NRP2: variants seen among roughly 807,000 people sequenced by gnomAD.
The protein encoded by NRP2 is neuropilin 2.
In NRP2, 52 loss-of-function variants were observed where a neutral mutation model predicts 110.4. The observed-to-expected ratio is 0.47, with a 90% CI of 0.38 to 0.59. The LOEUF (loss-of-function observed/expected upper bound fraction) is 0.59, where lower values mean the gene tolerates loss of function less well. Ranked by LOEUF, NRP2 falls within the 20% of genes least tolerant of loss-of-function variation. The probability of loss-of-function intolerance (pLI) is 0.00; values close to 1 mark genes in which losing one functional copy is unlikely to be tolerated. For missense variants in NRP2, 1,049 were observed against 1,203.0 expected, an observed-to-expected ratio of 0.87 and a Z score of 1.89; for synonymous variants, 508 against 468.9, an observed-to-expected ratio of 1.08 and a Z score of -1.08.
At chr2:205,684,593 T>C (rs1028962209) in intron 1 of NRP2, among the ~76,000 whole-genome samples, 9 of 152,124 alleles carry the variant, frequency 5.9e-5, no homozygotes, top group African/African-American at 9.7e-5. Flanking sequence ...CACTTTAAGC[T>C]TGGGCATTTA....
At chr2:205,739,147 C>G (rs1344062012) in intron 7 of NRP2, among the ~76,000 whole-genome samples, 2 of 152,190 alleles carry the variant, frequency 1.3e-5, no homozygotes, top group Non-Finnish European at 2.9e-5. Flanking sequence ...GACAGTGACT[C>G]TACCTCCATT....
chr2:205,784,001 G>GACACACACACACACACACACACAC lies in NRP2; in HGVS notation c.2426-8213_2426-8212insCACACACACACACACACACACACA, dbSNP rs56303275. On this transcript the variant is annotated intron_variant, in intron 15 of 16. Coordinates refer to ENST00000357785, the MANE Select transcript of NRP2 (RefSeq NM_003872.3). ...GATGAACTAGAGTGCATCTCTCTCT[G>GACACACACACACACACACACACAC]ACACACACACACACACACACAGTGC... 1.0e-2 allele frequency among the ~76,000 whole-genome samples: 1,484 copies of GACACACACACACACACACACACAC among 148,714 alleles called. 14 individuals carry two copies. The highest frequency in any genetic ancestry group is 0.024 in the African/African-American group (962 of 40,602).
chr2:205,751,917 T>C (rs1246932528), intron 11 of NRP2, among the ~76,000 whole-genome samples: 1 of 152,212 alleles, frequency 6.6e-6, no homozygotes, highest in Non-Finnish European at 1.5e-5. Context: ...CCATTTCCTC[T>C]TTCCCCACGT....
At chr2:205,784,353 CTT>C (rs1347813938) in intron 15 of NRP2, among the ~76,000 whole-genome samples, 1 of 152,232 alleles carries the variant, frequency 6.6e-6, no homozygotes, top group African/African-American at 2.4e-5. Flanking sequence ...CTTTTTGTCT[CTT>C]TGTGTTTTCT....
chr2:205,735,165 A>G (rs1304216824), intron 7 of NRP2, among the ~76,000 whole-genome samples: 2 of 152,208 alleles, frequency 1.3e-5, no homozygotes, highest in Non-Finnish European at 2.9e-5. Context: ...TAGCATCTAC[A>G]CTGTCCTGGG....
intron 2 of NRP2, among the ~76,000 whole-genome samples, chr2:205,699,682 A>G (rs1234963821): frequency 6.6e-6 from 1 of 152,192 alleles, no homozygotes; most frequent in Non-Finnish European, 1.5e-5. Flanking sequence ...GACAAGGGGA[A>G]GAAGAAGGCA....
intron 14 of NRP2, among the ~76,000 whole-genome samples, chr2:205,766,321 T>C (rs906801622): frequency 2.0e-5 from 3 of 152,166 alleles, no homozygotes; most frequent in Non-Finnish European, 2.9e-5. Context: ...GCATGAGGGT[T>C]GCTTTCAGTC....
intron 1 of NRP2, among the ~76,000 whole-genome samples, chr2:205,693,809 A>T (rs1485786807): frequency 6.6e-6 from 1 of 152,178 alleles, no homozygotes; most frequent in Non-Finnish European, 1.5e-5. Flanking sequence ...TTTTTCCTTC[A>T]GTTCAACTAA....
chr2:205,699,953 T>C (rs1419456235), intron 2 of NRP2, among the ~76,000 whole-genome samples: 1 of 143,196 alleles, frequency 7.0e-6, no homozygotes, highest in Non-Finnish European at 1.5e-5. Context: ...CCTCCCCCCA[T>C]TTCTCCCCCA....
chr2:205,703,000 G>C (rs1304553894), intron 2 of NRP2, among the ~76,000 whole-genome samples: 2 of 152,178 alleles, frequency 1.3e-5, no homozygotes, highest in African/African-American at 2.4e-5. Flanking sequence ...TGGTCATCTT[G>C]AGTTCTCAGC....
chr2:205,795,160 C>A lies in NRP2; in HGVS notation c.*102C>A. ...GGAAACTGAATGCCATAATCTCGAT[C>A]AAACCGATCCAGAATACCGAAGGTA... is the stretch of plus-strand genomic sequence containing the variant. On this transcript the variant is annotated 3_prime_UTR_variant, in exon 17 of 17. Coordinates refer to ENST00000357785, the MANE Select transcript of NRP2 (RefSeq NM_003872.3). The A allele has an allele frequency of 8.7e-7, 1 of 1,151,190 alleles. No homozygotes were observed. Among genetic ancestry groups the A allele is most frequent in the Non-Finnish European group, 1.3e-6 (1 of 790,532 alleles). 71.3% of individuals were successfully genotyped at this position (1,151,190 alleles called of 1,614,324 possible). A position where few individuals can be genotyped will look rare whatever the true frequency, so the allele number is the denominator to read the frequency against.
rs140796876 is a variant in NRP2, at chr2:205,749,737, C to A, written c.1799C>A (p.Thr600Lys). The change falls in exon 11 of 17, where the codon ACG (threonine) becomes AAG (lysine). Residue 600 changes from threonine (T) to lysine (K), a missense_variant. Coordinates refer to ENST00000357785, the MANE Select transcript of NRP2 (RefSeq NM_003872.3). ...TGCCCTTACACAGACTCCAAGCCCACGGTAGAGACGCTGGGACCCACTGTG... is the reference window on the plus strand; with the variant it reads ...TGCCCTTACACAGACTCCAAGCCCAAGGTAGAGACGCTGGGACCCACTGTG... ...LGCDWTDSKP[T>K]VETLGPTVKS... is the part of the protein sequence containing the mutation. The A allele has an allele frequency of 6.2e-7, 1 of 1,613,942 alleles. No individual in the cohort carries two copies. Among genetic ancestry groups the A allele is most frequent in the East Asian group, 2.2e-5 (1 of 44,878 alleles).
intron 3 of NRP2, among the ~76,000 whole-genome samples, chr2:205,721,691 G>A (rs888726252): frequency 1.3e-5 from 2 of 152,168 alleles, no homozygotes; most frequent in Non-Finnish European, 2.9e-5. Flanking sequence ...GAAAGCAGAC[G>A]CAAGAGCTCA....
chr2:205,788,702 C>A (rs933189592), intron 15 of NRP2, among the ~76,000 whole-genome samples: 3 of 152,198 alleles, frequency 2.0e-5, no homozygotes, highest in Admixed American at 6.5e-5. Flanking sequence ...TTTGCCCAAT[C>A]CCTGCCCTGG....
At chr2:205,695,766 CT>C (rs2056411137) in intron 1 of NRP2, among the ~76,000 whole-genome samples, 1 of 152,186 alleles carries the variant, frequency 6.6e-6, no homozygotes, top group Non-Finnish European at 1.5e-5. Flanking sequence ...CCACTCCACC[CT>C]ATTTCATGTG....
rs566298202 is a variant in NRP2 at position 205,757,082 on chromosome 2, G to C, written c.2044+4107G>C. Among the ~76,000 whole-genome samples the C allele has an allele frequency of 5.9e-5, 9 of 152,242 alleles. No individual in the cohort carries two copies. The South Asian group carries it at 1.9e-3, about 32-fold the overall frequency. On this transcript the variant is annotated intron_variant, in intron 12 of 16. Transcript: ENST00000357785. Reference sequence around the variant, plus strand: ...CTAAATCTGTGCTCTTTTATTCGTGGGTTGGCCTTGTGAAATCTGATTACA... The same window carrying C: ...CTAAATCTGTGCTCTTTTATTCGTGCGTTGGCCTTGTGAAATCTGATTACA...
At chr2:205,792,436 C>T in intron 16 of NRP2, 151 bp downstream of exon 16, 2 of 651,542 alleles carry the variant, frequency 3.1e-6, no homozygotes, top group South Asian at 1.8e-5. Context: ...ATGAGGGAAC[C>T]ATCAATGGAT....
intron 9 of NRP2, chr2:205,743,777 T>A: frequency 1.1e-6 from 1 of 918,238 alleles, no homozygotes; most frequent in Non-Finnish European, 1.6e-6. Flanking sequence ...AGATGGAGTC[T>A]CTGTCACCCA....
In NRP2 at chr2:205,740,553, T is replaced by A; in HGVS notation, c.1181T>A (p.Val394Asp). Residue 394 changes from valine to aspartate, a missense_variant, in exon 8 of 17, where the codon GTT becomes GAT. By Grantham distance (152) the Val-to-Asp change is radical. Coordinates refer to ENST00000357785, the MANE Select transcript of NRP2 (RefSeq NM_003872.3). ...GCCAACAACGATGCAACTGAGGTGG[T>A]TCTGAACAAGCTCCACGCTCCACTG... is the stretch of plus-strand genomic sequence containing the variant. ...FQANNDATEVVLNKLHAPLLT... is the reference protein window; with the variant it reads ...FQANNDATEVDLNKLHAPLLT... The A allele has an allele frequency of 2.5e-6, 4 of 1,614,240 alleles. No individual in the cohort carries two copies. Among genetic ancestry groups the A allele is most frequent in the Non-Finnish European group, 3.4e-6 (4 of 1,180,036 alleles).
Sources: allele counts gnomAD v4.1 joint callset (sites outside exome capture counted in the v4.1 genomes callset), GRCh38; gene constraint gnomAD v4.1.1; transcripts MANE v1.5; gene names NCBI Gene and HGNC (gene_info 2026-07-23, HGNC 2026-07-21).